Variants in TMEM132D observed in about 807,000 individuals in gnomAD.
TMEM132D encodes mature OL transmembrane protein.
In TMEM132D, 21 loss-of-function variants were observed where a neutral mutation model predicts 62.3. The observed-to-expected ratio is 0.34, with a 90% confidence interval of 0.24 to 0.49. The LOEUF is 0.49. Ranked by LOEUF, TMEM132D falls within the 20% of genes least tolerant of loss-of-function variation. The pLI is 0.99. For synonymous variants in TMEM132D, 621 were observed against 575.6 expected (o/e 1.08, Z -1.13); for missense variants, 1,346 against 1,402.8 (o/e 0.96, Z 0.65).
chr12:129,130,674 A>G, intron 5 of TMEM132D, among the ~76,000 whole-genome samples: 1 of 152,132 alleles, frequency 6.6e-6, no homozygotes, highest in East Asian at 1.9e-4. Flanking sequence ...CACTATTGAG[A>G]AAGGAGAAGT....
intron 4 of TMEM132D, among the ~76,000 whole-genome samples, chr12:129,309,957 AG>A (rs1357174345): frequency 6.6e-6 from 1 of 152,184 alleles, no homozygotes; most frequent in Non-Finnish European, 1.5e-5. Context: ...GGTGTGGAAA[AG>A]TCATTTGTCA....
chr12:129,494,120 G>T (rs1056163355), intron 3 of TMEM132D, among the ~76,000 whole-genome samples: 2 of 152,168 alleles, frequency 1.3e-5, no homozygotes, highest in East Asian at 3.9e-4. Flanking sequence ...CTGGGGAGTG[G>T]AGAGGACACT....
At chr12:129,589,902 AT>A (rs535724901) in intron 2 of TMEM132D, among the ~76,000 whole-genome samples, 419 of 152,166 alleles carry the variant, frequency 2.8e-3, no homozygotes, top group African/African-American at 9.8e-3. Context: ...TTTATAGTAC[AT>A]TTCTCTTTTC....
chr12:129,425,268 C>T (rs899255934), intron 3 of TMEM132D, among the ~76,000 whole-genome samples: 2 of 152,130 alleles, frequency 1.3e-5, no homozygotes, highest in African/African-American at 4.8e-5. Context: ...AGATATCTAG[C>T]ACTTGAAACT....
intron 1 of TMEM132D, among the ~76,000 whole-genome samples, chr12:129,738,032 C>CTGTAGCTGTAGTGTAGTAG (rs1419131817): frequency 6.6e-6 from 1 of 152,238 alleles, no homozygotes; most frequent in Non-Finnish European, 1.5e-5. Context: ...CACAGCAGTT[C>CTGTAGCTGTAGTGTAGTAG]TGTAGCCACT....
chr12:129,333,738 G>A (rs1164828320), intron 4 of TMEM132D, among the ~76,000 whole-genome samples: 1 of 152,164 alleles, frequency 6.6e-6, no homozygotes, highest in African/African-American at 2.4e-5. Context: ...TCAGCACTTG[G>A]CAGAGCTCCT....
At chr12:129,882,005 TTCTA>T (rs371197591) in intron 1 of TMEM132D, among the ~76,000 whole-genome samples, 264 of 152,210 alleles carry the variant, frequency 1.7e-3, no homozygotes, top group African/African-American at 6.3e-3. Context: ...ACAATGTTAT[TTCTA>T]TCTATTTGAC....
rs1401649409 is a variant in TMEM132D at position 129,388,676 on chromosome 12, A to T, written c.1116-50859T>A. Among the ~76,000 whole-genome samples the T allele has an allele frequency of 1.6e-5, 2 of 126,960 alleles. 1 individual carries two copies. The highest frequency in any genetic ancestry group is 3.6e-5 in the Non-Finnish European group (2 of 56,162). The allele number at this position is 126,960 out of a possible 152,430, so 83.3% of individuals were successfully genotyped here. On this transcript the variant is annotated intron_variant, in intron 3 of 8. Transcript: ENST00000422113. ...AATATAAACACTAACACCGACACCA[A>T]TACTAACACCAACACCAATCCAGCA...
chr12:129,669,024 C>T (rs1328658834), intron 2 of TMEM132D, among the ~76,000 whole-genome samples: 1 of 152,146 alleles, frequency 6.6e-6, no homozygotes, highest in Non-Finnish European at 1.5e-5. Flanking sequence ...AAGAATTTGC[C>T]CAACTCATAG....
chr12:129,088,495 C>T (rs867369121), intron 5 of TMEM132D, among the ~76,000 whole-genome samples: 6 of 42,556 alleles, frequency 1.4e-4, no homozygotes, highest in African/African-American at 7.0e-4. Flanking sequence ...GGGTGTCCTC[C>T]ATGACCGGGA....
chr12:129,135,654 GT>G (rs34970458), intron 5 of TMEM132D, among the ~76,000 whole-genome samples: 2 of 151,488 alleles, frequency 1.3e-5, no homozygotes, highest in East Asian at 3.9e-4. Context: ...AGAACAAATA[GT>G]TTTTTTTTGC....
At position 129,424,334 on chromosome 12, in the gene TMEM132D, G is replaced by A. The variant is rs565622924; in HGVS notation, c.1116-86517C>T. 8.0e-4 allele frequency among the ~76,000 whole-genome samples: 122 copies of A among 152,116 alleles called. 1 individual carries two copies. Among genetic ancestry groups the A allele is most frequent in the African/African-American group, 2.9e-3 (119 of 41,486 alleles). On this transcript the variant is annotated intron_variant, in intron 3 of 8. Transcript: ENST00000422113. ...GTAGGTGGTCACATTCTCTAGTCAC[G>A]CACTCAAAAGTTTTCCCATACATCC...
intron 3 of TMEM132D, among the ~76,000 whole-genome samples, chr12:129,399,130 C>A (rs937940392): frequency 1.3e-5 from 2 of 150,728 alleles, no homozygotes; most frequent in Non-Finnish European, 2.9e-5. Flanking sequence ...CCAGTGATAA[C>A]CAACCTACTT....
intron 4 of TMEM132D, among the ~76,000 whole-genome samples, chr12:129,275,450 C>T (rs1015873217): frequency 6.6e-6 from 1 of 152,288 alleles, no homozygotes; most frequent in African/African-American, 2.4e-5. Flanking sequence ...AATGATATAT[C>T]TATTCACTCT....
chr12:129,150,985 G>A (rs1316131037), intron 5 of TMEM132D, among the ~76,000 whole-genome samples: 1 of 152,184 alleles, frequency 6.6e-6, no homozygotes, highest in East Asian at 1.9e-4. Context: ...CTGAGTGGCT[G>A]CCGGCTTGTA....
intron 2 of TMEM132D, among the ~76,000 whole-genome samples, chr12:129,599,974 T>A (rs891139606): frequency 1.4e-4 from 21 of 152,178 alleles, no homozygotes; most frequent in Admixed American, 1.2e-3. Context: ...GCTGTGGCAA[T>A]GTCTTAAAAA....
intron 1 of TMEM132D, among the ~76,000 whole-genome samples, chr12:129,767,508 C>T (rs960738292): frequency 6.6e-6 from 1 of 152,176 alleles, no homozygotes; most frequent in African/African-American, 2.4e-5. Context: ...TCCCCATGTC[C>T]CCTCAGCCCC....
chr12:129,288,326 C>T (rs1317907158), intron 4 of TMEM132D, among the ~76,000 whole-genome samples: 1 of 152,110 alleles, frequency 6.6e-6, no homozygotes, highest in Non-Finnish European at 1.5e-5. Flanking sequence ...AAAATATTTG[C>T]AGGCCATATA....
At position 129,827,914 on chromosome 12, in the gene TMEM132D, C is replaced by T. The variant is rs1471456669; in HGVS notation, c.79+75347G>A. On this transcript the variant is annotated intron_variant, in intron 1 of 8. Coordinates refer to ENST00000422113, the MANE Select transcript of TMEM132D (RefSeq NM_133448.3). This position sits in a 1 kb window ranked among gnomAD's most constrained non-coding sequence, Gnocchi z 9.7. The stretch of plus-strand genomic sequence containing the variant: ...ACCATAATCTTCCTAAAGAAATGGG[C>T]CACATGTTTGTTTATATTAATGTTA... Among the ~76,000 whole-genome samples the T allele has an allele frequency of 6.6e-6, 1 of 152,120 alleles. No individual in the cohort carries two copies. The highest frequency in any genetic ancestry group is 2.1e-4 in the South Asian group (1 of 4,822).
Sources: gnomAD v4.1 joint callset for allele counts (sites outside exome capture counted in the v4.1 genomes callset) on GRCh38, gnomAD v4.1.1 for gene constraint, Gnocchi (gnomAD v3.1) non-coding constraint, MANE v1.5 for transcripts, NCBI Gene and HGNC (gene_info 2026-07-23, HGNC 2026-07-21) for gene names.